Variants in CPXCR1 observed in about 807,000 individuals in gnomAD.
The protein encoded by CPXCR1 is CPX chromosome region candidate 1, also known as CPX chromosomal region candidate gene 1 protein.
A neutral mutation model predicts 13.8 loss-of-function variants in CPXCR1; 15 were observed. The ratio of observed to expected loss-of-function variants is 1.09; its 90% CI spans 0.73 to 1.67. CPXCR1 has a LOEUF of 1.67. CPXCR1 is among the 40% of genes most tolerant of loss of function. The probability of loss-of-function intolerance (pLI) is 0.00; values close to 1 mark genes in which losing one functional copy is unlikely to be tolerated. For synonymous variants in CPXCR1, 70 were observed against 76.7 expected, an observed-to-expected ratio of 0.91 and a Z score of 0.46; for missense variants, 247 against 223.6, an observed-to-expected ratio of 1.10 and a Z score of -0.67.
Position 88,753,899 on chromosome X carries a change from C to T in CPXCR1, c.485C>T (p.Ser162Phe). ...ILHLLCDRYFSQAAGCQNTMW... is the reference protein window; with the variant it reads ...ILHLLCDRYFFQAAGCQNTMW... ...CATCTGCTATGTGATAGATATTTCT[C>T]TCAGGCTGCAGGGTGTCAGAATACC... is the stretch of plus-strand genomic sequence containing the variant. The change falls in exon 3 of 3, where the codon TCT becomes TTT. Residue 162 changes from serine to phenylalanine, a missense_variant. Ser to Phe is a radical substitution (Grantham distance 155, BLOSUM62 -2). Transcript: ENST00000276127. The T allele has an allele frequency of 8.3e-7, 1 of 1,209,853 alleles. No individual in the cohort carries two copies. Among genetic ancestry groups the T allele is most frequent in the South Asian group, 1.8e-5 (1 of 56,939 alleles).
intron 1 of CPXCR1, among the ~76,000 whole-genome samples, chrX:88,748,335 AT>A (rs1189871185): frequency 9.2e-6 from 1 of 108,395 alleles, no homozygotes. Context: ...ATGTATATAT[AT>A]TTTTAGTGTT....
intron 2 of CPXCR1, among the ~76,000 whole-genome samples, chrX:88,751,892 A>G (rs866972092): frequency 1.3e-4 from 14 of 111,476 alleles, no homozygotes; most frequent in South Asian, 1.1e-3. Context: ...GTTATGAGAT[A>G]AGGTTCCACA....
intron 2 of CPXCR1, among the ~76,000 whole-genome samples, chrX:88,751,259 G>A (rs914405759): frequency 2.7e-5 from 3 of 111,509 alleles, no homozygotes; most frequent in South Asian, 7.5e-4. Flanking sequence ...CAGAGATTCT[G>A]GTTTGTTGTG....
chrX:88,753,048 A>G (rs1043289789), intron 2 of CPXCR1, among the ~76,000 whole-genome samples: 7 of 111,498 alleles, frequency 6.3e-5, no homozygotes, highest in African/African-American at 2.3e-4. Flanking sequence ...ATCTTATTCA[A>G]TGAAAATTAT....
chrX:88,751,657 G>T (rs186213728), intron 2 of CPXCR1, among the ~76,000 whole-genome samples: 12 of 111,074 alleles, frequency 1.1e-4, no homozygotes, highest in African/African-American at 3.9e-4. Context: ...TGACAGTGGG[G>T]TCACTACCTC....
chrX:88,748,919 CT>C (rs1235780340), intron 1 of CPXCR1, among the ~76,000 whole-genome samples: 39 of 103,571 alleles, frequency 3.8e-4, no homozygotes, highest in African/African-American at 1.2e-3. Flanking sequence ...TAGCAATTTT[CT>C]TTTTTTTTAA....
At position 88,754,032 on chromosome X, in the gene CPXCR1, T is replaced by C; in HGVS notation, c.618T>C (p.Arg206=). Residue 206 remains arginine, a synonymous_variant, in exon 3 of 3, where the codon CGT becomes CGC. Transcript: ENST00000276127. ...FRRPSRVHYY[R]PLTERMTSGK... ...GGCCTTCGAGGGTGCACTACTACCG[T>C]CCCCTCACTGAGAGAATGACATCAG... 1 of 1,210,500 alleles carries C rather than the reference T, an allele frequency of 8.3e-7. No individual in the cohort carries two copies. Among genetic ancestry groups the C allele is most frequent in the Non-Finnish European group, 1.1e-6 (1 of 894,824 alleles).
At chrX:88,753,381 A>G in intron 2 of CPXCR1, 26 bp from the exon 3 acceptor site, 2 of 905,922 alleles carry the variant, frequency 2.2e-6, no homozygotes, top group Non-Finnish European at 1.5e-6. Context: ...AATTTAGTAA[A>G]TCTTTGTCTT....
chrX:88,753,462 C>T lies in CPXCR1; in HGVS notation c.48C>T (p.His16=). The T allele has an allele frequency of 8.6e-7, 1 of 1,163,000 alleles. No individual in the cohort carries two copies. Among genetic ancestry groups the T allele is most frequent in the East Asian group, 3.0e-5 (1 of 33,161 alleles). Residue 16 remains histidine (H), a synonymous_variant, in exon 3 of 3, where the codon CAC becomes CAT. Transcript: ENST00000276127. ...GAAGTGATACAGCTGGAAATGCTCACAAAAATTCTGAAAATGAGCCTCCTA... is the reference window on the plus strand; with the variant it reads ...GAAGTGATACAGCTGGAAATGCTCATAAAAATTCTGAAAATGAGCCTCCTA... The part of the protein sequence containing the change: ...KEGSDTAGNA[H]KNSENEPPND...
intron 2 of CPXCR1, among the ~76,000 whole-genome samples, chrX:88,750,713 T>G (rs965207883): frequency 2.2e-4 from 25 of 111,850 alleles, no homozygotes; most frequent in African/African-American, 8.1e-4. Context: ...TGGACTTTTT[T>G]TGGTTGGCAG....
In CPXCR1 at chrX:88,754,168, G is replaced by T. The variant is rs1469832481; in HGVS notation, c.754G>T (p.Gly252Cys). The change falls in exon 3 of 3, where the codon GGT (glycine) becomes TGT (cysteine). Residue 252 changes from glycine (G) to cysteine (C), a missense_variant. By Grantham distance (159) the Gly-to-Cys change is radical. Transcript: ENST00000276127. Reference protein sequence around the residue: ...IQIESIFNIKGFVDILTYIHT... With the variant: ...IQIESIFNIKCFVDILTYIHT... The stretch of plus-strand genomic sequence containing the variant: ...AATTGAAAGTATTTTTAATATAAAA[G>T]GTTTTGTGGATATATTGACATATAT... 1 of 1,191,610 alleles carries T rather than the reference G, an allele frequency of 8.4e-7. No individual in the cohort carries two copies. The highest frequency in any genetic ancestry group is 1.1e-6 in the Non-Finnish European group (1 of 881,389).
rs1924979286 is a variant in CPXCR1 at position 88,753,389 on chromosome X, C to A, written c.-8-18C>A. On this transcript the variant is annotated intron_variant, in intron 2 of 2. Transcript: ENST00000276127. ...ATACATAAATTTAGTAAATCTTTGT[C>A]TTCTTTCCCATAAATAGAACCCAGG... The A allele has an allele frequency of 2.1e-6, 2 of 948,938 alleles. No individual in the cohort carries two copies. The highest frequency in any genetic ancestry group is 2.0e-5 in the African/African-American group (1 of 50,476). The allele number at this position is 948,938 out of a possible 1,213,427, so 78.2% of individuals were successfully genotyped here. A position where few individuals can be genotyped will look rare whatever the true frequency, so the allele number is the denominator to read the frequency against.
intron 2 of CPXCR1, among the ~76,000 whole-genome samples, chrX:88,752,146 TC>T (rs1235026964): frequency 8.9e-6 from 1 of 111,893 alleles, no homozygotes; most frequent in Non-Finnish European, 1.9e-5. Context: ...TTGTTCAAAG[TC>T]CTCTCATAGA....
intron 2 of CPXCR1, among the ~76,000 whole-genome samples, chrX:88,750,089 G>A (rs1325340253): frequency 9.0e-6 from 1 of 110,731 alleles, no homozygotes. Context: ...GATTGCCCTG[G>A]CCAGAACTTC....
In CPXCR1 at chrX:88,753,625, G is replaced by A. The variant is rs776034436; in HGVS notation, c.211G>A (p.Glu71Lys). 8.3e-6 allele frequency: 10 copies of A among 1,206,281 alleles called. No homozygotes were observed. The highest frequency in any genetic ancestry group is 1.1e-5 in the Non-Finnish European group (10 of 893,112). ...TGTTCCTCAAGCAGCAGAAAACAGC[G>A]AGCTCGAAACAGAGATCCAAAAAGA... ...DVVPQAAENS[E>K]LETEIQKDQR... is the part of the protein sequence containing the mutation. Residue 71 changes from glutamate to lysine, a missense_variant, in exon 3 of 3, where the codon GAG becomes AAG. Glu to Lys is a moderately conservative substitution (Grantham distance 56). Transcript: ENST00000276127.
intron 2 of CPXCR1, 73 bp from the exon 3 acceptor site, chrX:88,753,334 C>T: frequency 1.6e-6 from 1 of 618,608 alleles, no homozygotes; most frequent in Admixed American, 4.8e-5. Flanking sequence ...TTTGCCATGA[C>T]CAAAGAATTG....
chrX:88,747,524 G>C (rs1275713826), intron 1 of CPXCR1, among the ~76,000 whole-genome samples, 155 bp downstream of exon 1: 1 of 112,273 alleles, frequency 8.9e-6, no homozygotes, highest in African/African-American at 3.2e-5. Flanking sequence ...ACATATGTTT[G>C]ATATGAACAT....
chrX:88,749,674 A>G (rs1046654045), intron 2 of CPXCR1, among the ~76,000 whole-genome samples: 3 of 110,789 alleles, frequency 2.7e-5, no homozygotes, highest in African/African-American at 6.6e-5. Flanking sequence ...TGAGAAATAC[A>G]TATATTTAAA....
intron 1 of CPXCR1, among the ~76,000 whole-genome samples, chrX:88,748,990 A>C (rs1352049879): frequency 2.8e-5 from 3 of 106,933 alleles, no homozygotes; most frequent in East Asian, 5.9e-4. Context: ...AAGTTTTGTT[A>C]CATATGTATG....
Sources: gnomAD v4.1 joint callset for allele counts (sites outside exome capture counted in the v4.1 genomes callset) on GRCh38, gnomAD v4.1.1 for gene constraint, MANE v1.5 for transcripts, NCBI Gene and HGNC (gene_info 2026-07-23, HGNC 2026-07-21) for gene names.